Variants in GPM6A observed in about 807,000 individuals in gnomAD.
GPM6A encodes glycoprotein M6A, also known as neuronal membrane glycoprotein M6-a.
Under a neutral mutation model 32.1 loss-of-function variants are expected in GPM6A, and 7 were observed. That is an observed-to-expected ratio of 0.22 (90% CI 0.12 to 0.41). GPM6A has a LOEUF of 0.41. GPM6A is among the 10% of genes least tolerant of loss of function. The pLI is 1.00. For synonymous variants in GPM6A, 130 were observed against 123.4 expected (o/e 1.05, Z -0.35); for missense variants, 235 against 347.2 (o/e 0.68, Z 2.57).
intron 1 of GPM6A, among the ~76,000 whole-genome samples, chr4:175,886,427 A>C (rs1002252828): frequency 6.6e-6 from 1 of 152,188 alleles, no homozygotes; most frequent in Non-Finnish European, 1.5e-5. Flanking sequence ...TTCAAGAAAG[A>C]GTGTGAAACA....
chr4:175,689,551 C>G (rs1368326946), intron 2 of GPM6A, among the ~76,000 whole-genome samples: 2 of 151,818 alleles, frequency 1.3e-5, no homozygotes, highest in African/African-American at 2.4e-5. Context: ...GTGATATTTC[C>G]TGGTGAATGT....
intron 6 of GPM6A, 134 bp downstream of exon 6, chr4:175,639,995 C>T: frequency 1.3e-6 from 1 of 766,962 alleles, no homozygotes. Context: ...CATTGTTTTC[C>T]CTACTTTTTT....
chr4:175,968,176 AC>A (rs1740388326), intron 1 of GPM6A, among the ~76,000 whole-genome samples: 1 of 151,994 alleles, frequency 6.6e-6, no homozygotes, highest in Non-Finnish European at 1.5e-5. Context: ...GAAAAAAAAA[AC>A]AGCCTTTTAA....
At chr4:175,658,299 G>GA (rs200786856) in intron 3 of GPM6A, among the ~76,000 whole-genome samples, 13,717 of 137,038 alleles carry the variant, frequency 0.1, 947 homozygotes, top group East Asian at 0.34. Flanking sequence ...GCATATGACT[G>GA]AAAAAAAAAA....
At chr4:175,695,152 C>G (rs1376957568) in intron 2 of GPM6A, among the ~76,000 whole-genome samples, 1 of 152,210 alleles carries the variant, frequency 6.6e-6, no homozygotes, top group African/African-American at 2.4e-5. Flanking sequence ...AGGCATAAGC[C>G]TGCTTCAGAG....
chr4:175,985,037 T>G (rs1227503682), intron 1 of GPM6A, among the ~76,000 whole-genome samples: 1 of 152,224 alleles, frequency 6.6e-6, no homozygotes, highest in South Asian at 2.1e-4. Context: ...AAGGCTTAAT[T>G]CTCCCACCTT....
chr4:175,994,651 C>T (rs549228601), intron 1 of GPM6A, among the ~76,000 whole-genome samples: 33 of 152,284 alleles, frequency 2.2e-4, no homozygotes, highest in African/African-American at 6.5e-4. Flanking sequence ...TCCCTGTTGA[C>T]GGCTGCTGAC....
chr4:175,866,494 G>A (rs1421099245), intron 1 of GPM6A, among the ~76,000 whole-genome samples: 1 of 152,080 alleles, frequency 6.6e-6, no homozygotes, highest in African/African-American at 2.4e-5. Context: ...TTTCCAGAAT[G>A]TCATATAGTT....
intron 2 of GPM6A, among the ~76,000 whole-genome samples, chr4:175,686,634 C>T (rs915988732): frequency 3.9e-5 from 6 of 152,208 alleles, no homozygotes; most frequent in African/African-American, 7.2e-5. Flanking sequence ...TACCAATCTC[C>T]GGGAAGAGGC....
At chr4:175,690,053 G>C (rs1383979887) in intron 2 of GPM6A, among the ~76,000 whole-genome samples, 1 of 152,158 alleles carries the variant, frequency 6.6e-6, no homozygotes, top group Non-Finnish European at 1.5e-5. Flanking sequence ...TGCTCACCTG[G>C]AGTACTGCAA....
chr4:175,720,888 A>G (rs1465723260), intron 1 of GPM6A, among the ~76,000 whole-genome samples: 1 of 151,910 alleles, frequency 6.6e-6, no homozygotes, highest in African/African-American at 2.4e-5. Context: ...TCATTTCTGC[A>G]TTTGGCTGTA....
At chr4:175,772,849 T>G (rs1210263296) in intron 1 of GPM6A, among the ~76,000 whole-genome samples, 1 of 152,068 alleles carries the variant, frequency 6.6e-6, no homozygotes, top group African/African-American at 2.4e-5. Flanking sequence ...CATCTAGTAT[T>G]TAGAAATCAA....
intron 2 of GPM6A, among the ~76,000 whole-genome samples, chr4:175,690,620 G>A (rs921988483): frequency 5.3e-5 from 8 of 152,146 alleles, no homozygotes; most frequent in African/African-American, 1.9e-4. Context: ...CTTCTTCAAA[G>A]CCAGCAGGTA....
intron 3 of GPM6A, among the ~76,000 whole-genome samples, chr4:175,664,121 T>C (rs1742599637): frequency 6.6e-6 from 1 of 152,154 alleles, no homozygotes; most frequent in Non-Finnish European, 1.5e-5. Context: ...TGATTCCAAC[T>C]ATGACTTTCT....
At chr4:175,752,114 A>G (rs1242631637) in intron 1 of GPM6A, among the ~76,000 whole-genome samples, 3 of 152,136 alleles carry the variant, frequency 2.0e-5, no homozygotes, top group African/African-American at 7.2e-5. Flanking sequence ...ACATTTCCAC[A>G]TACTAATTCA....
At chr4:175,770,626 G>A (rs1438477885) in intron 1 of GPM6A, among the ~76,000 whole-genome samples, 1 of 151,958 alleles carries the variant, frequency 6.6e-6, no homozygotes, top group Admixed American at 6.6e-5. Flanking sequence ...CTATATTTGT[G>A]CAACTTTCCT....
chr4:175,816,548 A>C (rs992298776), upstream of GPM6A, among the ~76,000 whole-genome samples: 1 of 152,206 alleles, frequency 6.6e-6, no homozygotes, highest in East Asian at 1.9e-4. Context: ...TGTGGTTCCA[A>C]ATATCGCATT....
intron 1 of GPM6A, among the ~76,000 whole-genome samples, chr4:176,001,529 G>A (rs1005504087): frequency 6.6e-6 from 1 of 152,136 alleles, no homozygotes; most frequent in African/African-American, 2.4e-5. Flanking sequence ...GCCACACGCA[G>A]TCACATTCCT....
rs1221904419 is a variant in GPM6A at position 175,874,100 on chromosome 4, C to T, written c.-22-61851G>A. On this transcript the variant is annotated intron_variant, in intron 1 of 7. Transcript: ENST00000280187. ...AAAATGGTAACTTTCATGAAAGAGA[C>T]GTGAGGCAGCACCAGGGAAACACGG... Among the ~76,000 whole-genome samples, 5 of 152,058 alleles carry T rather than the reference C, an allele frequency of 3.3e-5. No homozygotes were observed. The East Asian group carries it at 5.8e-4, about 18-fold the overall frequency.
Sources: allele counts gnomAD v4.1 joint callset (sites outside exome capture counted in the v4.1 genomes callset), GRCh38; gene constraint gnomAD v4.1.1; transcripts MANE v1.5; gene names NCBI Gene and HGNC (gene_info 2026-07-23, HGNC 2026-07-21).